TBC1D8: variants seen among roughly 807,000 people sequenced by gnomAD.
TBC1D8 encodes TBC1 domain family member 8.
In TBC1D8, 65 loss-of-function variants were observed where a neutral mutation model predicts 118.8. The ratio of observed to expected loss-of-function variants is 0.55; its 90% CI spans 0.45 to 0.67. TBC1D8 has a LOEUF of 0.67. Among genes scored for constraint, TBC1D8 ranks in the 30% least tolerant of loss-of-function variants. The pLI, the probability that TBC1D8 is intolerant of heterozygous loss-of-function variation, is 0.00. For synonymous variants in TBC1D8, 566 were observed against 595.8 expected (o/e 0.95, Z 0.73); for missense variants, 1,376 against 1,471.2 (o/e 0.94, Z 1.06).
At chr2:101,133,350 T>C (rs550655357) in intron 1 of TBC1D8, among the ~76,000 whole-genome samples, 28 of 152,142 alleles carry the variant, frequency 1.8e-4, no homozygotes, top group Non-Finnish European at 5.9e-5. Context: ...CCATTTGCCA[T>C]TCAAGTCTCT....
At chr2:101,040,082 C>G (rs35755356) in intron 6 of TBC1D8, 96 bp downstream of exon 6, 5 of 1,419,272 alleles carry the variant, frequency 3.5e-6, no homozygotes, top group Non-Finnish European at 4.8e-6. Context: ...ACTGTGCCGT[C>G]TGAACTTCCC....
Position 101,070,148 on chromosome 2 carries a change from C to A in TBC1D8, c.284-10609G>T, listed in dbSNP as rs568108589. ...GTCAGGCTGGTCTTGAACTCCTGAC[C>A]TCAGGTGATCTACCCGCCTCGACCT... is the stretch of plus-strand genomic sequence containing the variant. On this transcript the variant is annotated intron_variant, in intron 2 of 19. Transcript: ENST00000409318. Among the ~76,000 whole-genome samples, 10 of 151,970 alleles carry A rather than the reference C, an allele frequency of 6.6e-5. No homozygotes were observed. In the South Asian group the frequency reaches 1.9e-3, roughly 28 times the overall value.
intron 14 of TBC1D8, 60 bp from the exon 15 acceptor site, chr2:101,027,511 G>A (rs1680407396): frequency 1.5e-5 from 23 of 1,494,046 alleles, no homozygotes; most frequent in Non-Finnish European, 2.1e-5. Flanking sequence ...CAGGGGTCAG[G>A]GCAAGAGGGG....
At chr2:101,095,310 T>C (rs1170746317) in intron 1 of TBC1D8, among the ~76,000 whole-genome samples, 1 of 145,336 alleles carries the variant, frequency 6.9e-6, no homozygotes, top group East Asian at 2.1e-4. Flanking sequence ...TGCAGGTTTG[T>C]TACATATGTA....
chr2:101,117,254 G>A (rs562344219), intron 1 of TBC1D8, among the ~76,000 whole-genome samples: 1 of 152,092 alleles, frequency 6.6e-6, no homozygotes, highest in African/African-American at 2.4e-5. Context: ...CACCTAGTTG[G>A]GGATCAGCCC....
intron 1 of TBC1D8, among the ~76,000 whole-genome samples, chr2:101,092,607 C>T (rs1676114321): frequency 6.6e-6 from 1 of 152,040 alleles, no homozygotes; most frequent in Non-Finnish European, 1.5e-5. Context: ...TTTTGATGCT[C>T]TGATTGTCCC....
rs372099799 is a variant in TBC1D8, at chr2:101,140,934, G to A, written c.127+10193C>T. 8.6e-5 allele frequency among the ~76,000 whole-genome samples: 13 copies of A among 152,004 alleles called. No individual in the cohort carries two copies. The East Asian group carries it at 2.1e-3, about 25-fold the overall frequency. ...GCGCCACCATGCCTGGCTAATTTTTGTATTTTTAGTAAAGACGGGGTTTCA... is the reference window on the plus strand; with the variant it reads ...GCGCCACCATGCCTGGCTAATTTTTATATTTTTAGTAAAGACGGGGTTTCA... On this transcript the variant is annotated intron_variant, in intron 1 of 19. Coordinates refer to ENST00000409318, the MANE Select transcript of TBC1D8 (RefSeq NM_001330348.2).
chr2:101,059,356 G>A lies in TBC1D8; in HGVS notation c.402+65C>T. ...GGAAAAACTGTTAGTATGCTACAGTGTTCGGAATGTCTTAAGGAAGAAAGA... is the reference window on the plus strand; with the variant it reads ...GGAAAAACTGTTAGTATGCTACAGTATTCGGAATGTCTTAAGGAAGAAAGA... On this transcript the variant is annotated intron_variant, in intron 3 of 19. Coordinates refer to ENST00000409318, the MANE Select transcript of TBC1D8 (RefSeq NM_001330348.2). 1.5e-6 allele frequency: 2 copies of A among 1,313,194 alleles called. 1 individual carries two copies. Among genetic ancestry groups the A allele is most frequent in the Non-Finnish European group, 2.2e-6 (2 of 913,410 alleles). The allele number at this position is 1,313,194 out of a possible 1,614,324, so 81.3% of individuals were successfully genotyped here. A position where few individuals can be genotyped will look rare whatever the true frequency, so the allele number is the denominator to read the frequency against.
intron 17 of TBC1D8, among the ~76,000 whole-genome samples, chr2:101,017,281 A>G (rs926890253): frequency 1.1e-4 from 16 of 152,154 alleles, no homozygotes; most frequent in Admixed American, 2.0e-4. Context: ...ATTTTTTTTA[A>G]TAAGTAGAAG....
At chr2:101,065,902 T>C (rs1573967419) in intron 2 of TBC1D8, among the ~76,000 whole-genome samples, 1 of 152,124 alleles carries the variant, frequency 6.6e-6, no homozygotes, top group African/African-American at 2.4e-5. Flanking sequence ...CATGATGTGA[T>C]CAAATGAAAA....
intron 19 of TBC1D8, among the ~76,000 whole-genome samples, chr2:101,009,296 C>A (rs1678996736): frequency 6.6e-6 from 1 of 151,716 alleles, no homozygotes; most frequent in African/African-American, 2.4e-5. Flanking sequence ...GTCCCAGCTA[C>A]TCGGGAAGCT....
chr2:101,122,411 A>AAAAAAAAAAAAAAT (rs1574064494), intron 1 of TBC1D8, among the ~76,000 whole-genome samples: 2 of 138,914 alleles, frequency 1.4e-5, no homozygotes, highest in Non-Finnish European at 3.1e-5. Context: ...AAAAAAAAAA[A>AAAAAAAAAAAAAAT]GCATGGATAA....
chr2:101,055,821 C>G (rs1682386239), intron 3 of TBC1D8, among the ~76,000 whole-genome samples: 1 of 152,080 alleles, frequency 6.6e-6, no homozygotes, highest in South Asian at 2.1e-4. Context: ...CTCACATGTG[C>G]TACCTGATTA....
chr2:101,047,231 A>G (rs1038095604), intron 5 of TBC1D8, among the ~76,000 whole-genome samples: 1 of 152,152 alleles, frequency 6.6e-6, no homozygotes, highest in African/African-American at 2.4e-5. Flanking sequence ...AGCCCAATCA[A>G]CCGAGGGTGA....
At chr2:101,077,755 A>G (rs2105443541) in intron 2 of TBC1D8, among the ~76,000 whole-genome samples, 1 of 152,294 alleles carries the variant, frequency 6.6e-6, no homozygotes. Context: ...ATATCAAATG[A>G]TAATAGCCCT....
At chr2:101,115,319 T>C (rs1677773784) in intron 1 of TBC1D8, among the ~76,000 whole-genome samples, 1 of 151,946 alleles carries the variant, frequency 6.6e-6, no homozygotes, top group African/African-American at 2.4e-5. Flanking sequence ...TAAGATGGAG[T>C]GGAGGAGACT....
chr2:101,131,265 C>T (rs1036234452), intron 1 of TBC1D8, among the ~76,000 whole-genome samples: 2 of 152,176 alleles, frequency 1.3e-5, no homozygotes, highest in African/African-American at 2.4e-5. Flanking sequence ...GTAATCCCAG[C>T]ACTTTGGGAG....
At chr2:101,122,818 G>T (rs578166715) in intron 1 of TBC1D8, among the ~76,000 whole-genome samples, 1 of 152,236 alleles carries the variant, frequency 6.6e-6, no homozygotes, top group East Asian at 1.9e-4. Context: ...GTGTGCAGTT[G>T]AGAGCAGCAC....
intron 2 of TBC1D8, 81 bp from the exon 3 acceptor site, chr2:101,059,620 AT>A: frequency 8.3e-7 from 1 of 1,210,442 alleles, no homozygotes; most frequent in Admixed American, 1.8e-5. Flanking sequence ...TTTTCCAAAT[AT>A]TGTGTATCCC....
Sources: gnomAD v4.1 joint callset for allele counts (sites outside exome capture counted in the v4.1 genomes callset) on GRCh38, gnomAD v4.1.1 for gene constraint, MANE v1.5 for transcripts, NCBI Gene and HGNC (gene_info 2026-07-23, HGNC 2026-07-21) for gene names.